Variants in SPRR2E observed in about 807,000 individuals in gnomAD.
SPRR2E encodes small proline-rich protein 2E.
For synonymous variants in SPRR2E, 20 were observed against 32.2 expected (o/e 0.62, Z 1.28); for missense variants, 68 against 87.1 (o/e 0.78, Z 0.87).
chr1:153,093,286 A>G lies in SPRR2E; in HGVS notation c.*247T>C. ...GGACAGAGCTGCTGGTCCTTCTTCC[A>G]AAGCTCTGGGAACTGACACTGCTGA... On this transcript the variant is annotated 3_prime_UTR_variant, in exon 2 of 2. Transcript: ENST00000368750. 3 of 681,134 alleles carry G rather than the reference A, an allele frequency of 4.4e-6. No homozygotes were observed. Among genetic ancestry groups the G allele is most frequent in the East Asian group, 2.8e-5 (1 of 35,100 alleles). The allele number at this position is 681,134 out of a possible 1,614,324, so 42.2% of individuals were successfully genotyped here.
Position 153,093,692 on chromosome 1 carries a change from C to T in SPRR2E, c.60G>A (p.Thr20=), listed in dbSNP as rs200625311. 5.0e-6 allele frequency: 8 copies of T among 1,612,174 alleles called. No individual in the cohort carries two copies. Among genetic ancestry groups the T allele is most frequent in the East Asian group, 2.2e-5 (1 of 44,870 alleles). Residue 20 remains threonine (T), a synonymous_variant, in exon 2 of 2, where the codon ACG becomes ACA. Transcript: ENST00000368750. ...QPCQPPPVCP[T]PKCPEPCPPP... The stretch of plus-strand genomic sequence containing the variant: ...GTGGACATGGCTCTGGGCACTTTGG[C>T]GTGGGGCACACAGGAGGTGGCTGGC...
chr1:153,093,460 T>G lies in SPRR2E; in HGVS notation c.*73A>C. ...TCCATGGTAGGCTTTGATGAGAAGA[T>G]GCAGGTGAAGCTGTGGAACAAGGTG... is the stretch of plus-strand genomic sequence containing the variant. On this transcript the variant is annotated 3_prime_UTR_variant, in exon 2 of 2. Transcript: ENST00000368750. 6.4e-7 allele frequency: 1 copy of G among 1,565,744 alleles called. No individual in the cohort carries two copies. Among genetic ancestry groups the G allele is most frequent in the Non-Finnish European group, 8.7e-7 (1 of 1,154,928 alleles).
rs1246299101 is a variant in SPRR2E, at chr1:153,093,269, C to A, written c.*264G>T. The A allele has an allele frequency of 1.7e-6, 1 of 604,536 alleles. No homozygotes were observed. The highest frequency in any genetic ancestry group is 2.7e-6 in the Non-Finnish European group (1 of 367,378). 37.4% of individuals were successfully genotyped at this position (604,536 alleles called of 1,614,324 possible). On this transcript the variant is annotated 3_prime_UTR_variant, in exon 2 of 2. Coordinates refer to ENST00000368750, the MANE Select transcript of SPRR2E (RefSeq NM_001024209.4). ...TTTTTGATGGTTCCCAGGGACAGAGCTGCTGGTCCTTCTTCCAAAGCTCTG... is the reference window on the plus strand; with the variant it reads ...TTTTTGATGGTTCCCAGGGACAGAGATGCTGGTCCTTCTTCCAAAGCTCTG...
At chr1:153,093,886 T>C in intron 1 of SPRR2E, 116 bp from the exon 2 acceptor site, 2 of 1,322,378 alleles carry the variant, frequency 1.5e-6, no homozygotes, top group Non-Finnish European at 2.0e-6. Context: ...TTATTTAAAC[T>C]CTTAGCTCTC....
Position 153,093,328 on chromosome 1 carries a change from T to G in SPRR2E, c.*205A>C. 1 of 989,552 alleles carries G rather than the reference T, an allele frequency of 1.0e-6. No individual in the cohort carries two copies. Among genetic ancestry groups the G allele is most frequent in the Admixed American group, 3.0e-5 (1 of 33,552 alleles). 61.3% of individuals were successfully genotyped at this position (989,552 alleles called of 1,614,324 possible). A position where few individuals can be genotyped will look rare whatever the true frequency, so the allele number is the denominator to read the frequency against. ...CACTGCTGAGGACTTCCTTTCTCAG[T>G]CTCCACCTGGACAGTGGCAATATGG... On this transcript the variant is annotated 3_prime_UTR_variant, in exon 2 of 2. Coordinates refer to ENST00000368750, the MANE Select transcript of SPRR2E (RefSeq NM_001024209.4).
chr1:153,094,322 C>A (rs1655168909), intron 1 of SPRR2E, among the ~76,000 whole-genome samples, 162 bp downstream of exon 1: 1 of 152,228 alleles, frequency 6.6e-6, no homozygotes, highest in Non-Finnish European at 1.5e-5. Context: ...TTTTAAAAAT[C>A]TGTGTAAAAC....
intron 1 of SPRR2E, 54 bp from the exon 2 acceptor site, chr1:153,093,824 A>C (rs1037052162): frequency 1.1e-5 from 18 of 1,607,846 alleles, no homozygotes; most frequent in Non-Finnish European, 1.5e-5. Flanking sequence ...CAGAGAGAGA[A>C]GCCAAAGCTT....
chr1:153,093,579 G>A lies in SPRR2E; in HGVS notation c.173C>T (p.Thr58Ile). 1 of 1,613,032 alleles carries A rather than the reference G, an allele frequency of 6.2e-7. No individual in the cohort carries two copies. The highest frequency in any genetic ancestry group is 8.5e-7 in the Non-Finnish European group (1 of 1,179,852). The change falls in exon 2 of 2, where the codon ACA (threonine) becomes ATA (isoleucine). Residue 58 changes from threonine to isoleucine, a missense_variant. By Grantham distance (89) the Thr-to-Ile change is moderately conservative. Transcript: ENST00000368750. ...CTTTGGCTGGCAGGGTGGGGAAGGT[G>A]TCACAGGAGGACATTTTTGCTGGCA... The part of the protein sequence containing the change: ...QQCQQKCPPV[T>I]PSPPCQPKCP...
At position 153,093,603 on chromosome 1, in the gene SPRR2E, C is replaced by A. The variant is rs1365220810; in HGVS notation, c.149G>T (p.Cys50Phe). Residue 50 changes from cysteine (C) to phenylalanine (F), a missense_variant, in exon 2 of 2, where the codon TGC (cysteine) becomes TTC (phenylalanine). Transcript: ENST00000368750. ...KCPQPCPPQQ[C>F]QQKCPPVTPS... ...TGTCACAGGAGGACATTTTTGCTGG[C>A]ACTGCTGAGGTGGGCAGGGCTGTGG... is the stretch of plus-strand genomic sequence containing the variant. 1 of 1,612,716 alleles carries A rather than the reference C, an allele frequency of 6.2e-7. No homozygotes were observed. Among genetic ancestry groups the A allele is most frequent in the Non-Finnish European group, 8.5e-7 (1 of 1,179,852 alleles).
rs1020901230 is a variant in SPRR2E, at chr1:153,093,426, A to C, written c.*107T>G. 2.5e-4 allele frequency: 386 copies of C among 1,528,158 alleles called. No individual in the cohort carries two copies. The highest frequency in any genetic ancestry group is 3.2e-4 in the Non-Finnish European group (368 of 1,134,114). 94.7% of individuals were successfully genotyped at this position (1,528,158 alleles called of 1,614,324 possible). A position where few individuals can be genotyped will look rare whatever the true frequency, so the allele number is the denominator to read the frequency against. On this transcript the variant is annotated 3_prime_UTR_variant, in exon 2 of 2. Transcript: ENST00000368750. ...ATCACTGGCTAAGAGGAAAGAAGCT[A>C]ACTGTGTATCCATGGTAGGCTTTGA...
Position 153,093,285 on chromosome 1 carries a change from C to G in SPRR2E, c.*248G>C, listed in dbSNP as rs1570998759. ...GGGACAGAGCTGCTGGTCCTTCTTC[C>G]AAAGCTCTGGGAACTGACACTGCTG... On this transcript the variant is annotated 3_prime_UTR_variant, in exon 2 of 2. Transcript: ENST00000368750. The G allele has an allele frequency of 3.0e-6, 2 of 676,706 alleles. No individual in the cohort carries two copies. Among genetic ancestry groups the G allele is most frequent in the African/African-American group, 3.6e-5 (2 of 55,300 alleles). 41.9% of individuals were successfully genotyped at this position (676,706 alleles called of 1,614,324 possible).
At position 153,093,233 on chromosome 1, in the gene SPRR2E, A is replaced by G; in HGVS notation, c.*300T>C. On this transcript the variant is annotated 3_prime_UTR_variant, in exon 2 of 2. Coordinates refer to ENST00000368750, the MANE Select transcript of SPRR2E (RefSeq NM_001024209.4). ...CAGGTGACAGACAGACACAGAAAAC[A>G]TCAACAGCATTTTTTGATGGTTCCC... 2 of 490,380 alleles carry G rather than the reference A, an allele frequency of 4.1e-6. No homozygotes were observed. Among genetic ancestry groups the G allele is most frequent in the Non-Finnish European group, 7.0e-6 (2 of 285,642 alleles). 30.4% of individuals were successfully genotyped at this position (490,380 alleles called of 1,614,324 possible). A position where few individuals can be genotyped will look rare whatever the true frequency, so the allele number is the denominator to read the frequency against.
At position 153,093,821 on chromosome 1, in the gene SPRR2E, A is replaced by G. The variant is rs185827657; in HGVS notation, c.-19-51T>C. On this transcript the variant is annotated intron_variant, in intron 1 of 1. Transcript: ENST00000368750. Reference sequence around the variant, plus strand: ...CACAGGAATGGACTCCTCCAGAGAGAGAAGCCAAAGCTTATGTAATACCAT... The same window carrying G: ...CACAGGAATGGACTCCTCCAGAGAGGGAAGCCAAAGCTTATGTAATACCAT... 418 of 1,608,114 alleles carry G rather than the reference A, an allele frequency of 2.6e-4. 2 individuals are homozygous for G. The African/African-American group carries it at 5.0e-3, about 19-fold the overall frequency.
Position 153,093,442 on chromosome 1 carries a change from T to C in SPRR2E, c.*91A>G. Reference sequence around the variant, plus strand: ...AAAGAAGCTAACTGTGTATCCATGGTAGGCTTTGATGAGAAGATGCAGGTG... The same window carrying C: ...AAAGAAGCTAACTGTGTATCCATGGCAGGCTTTGATGAGAAGATGCAGGTG... On this transcript the variant is annotated 3_prime_UTR_variant, in exon 2 of 2. Transcript: ENST00000368750. The C allele has an allele frequency of 6.4e-7, 1 of 1,550,606 alleles. No homozygotes were observed. Among genetic ancestry groups the C allele is most frequent in the East Asian group, 2.3e-5 (1 of 44,408 alleles).
At chr1:153,094,296 C>T (rs183537913) in intron 1 of SPRR2E, among the ~76,000 whole-genome samples, 188 bp downstream of exon 1, 1 of 152,364 alleles carries the variant, frequency 6.6e-6, no homozygotes, top group Non-Finnish European at 1.5e-5. Flanking sequence ...TCCATATGGA[C>T]ATATAATTGT....
At position 153,093,204 on chromosome 1, in the gene SPRR2E, T is replaced by C; in HGVS notation, c.*329A>G. ...CAATTGCACAGGTGTTAGAAGCCCA[T>C]GCCCAGGTGACAGACAGACACAGAA... On this transcript the variant is annotated 3_prime_UTR_variant, in exon 2 of 2. Coordinates refer to ENST00000368750, the MANE Select transcript of SPRR2E (RefSeq NM_001024209.4). The C allele has an allele frequency of 7.0e-6, 3 of 428,708 alleles. No individual in the cohort carries two copies. The highest frequency in any genetic ancestry group is 1.2e-5 in the Non-Finnish European group (3 of 243,726). The allele number at this position is 428,708 out of a possible 1,614,324, so 26.6% of individuals were successfully genotyped here.
In SPRR2E at chr1:153,093,917, C is replaced by T. The variant is rs1655160147; in HGVS notation, c.-19-147G>A. 4 of 1,337,812 alleles carry T rather than the reference C, an allele frequency of 3.0e-6. No homozygotes were observed. The South Asian group carries it at 4.6e-5, about 15-fold the overall frequency. The allele number at this position is 1,337,812 out of a possible 1,614,324, so 82.9% of individuals were successfully genotyped here. A position where few individuals can be genotyped will look rare whatever the true frequency, so the allele number is the denominator to read the frequency against. ...CTCTCTTTTCATGACTTCCTGTCTT[C>T]TCCTTTCCACTTTAGCAAGTTGTTT... On this transcript the variant is annotated intron_variant, in intron 1 of 1. Coordinates refer to ENST00000368750, the MANE Select transcript of SPRR2E (RefSeq NM_001024209.4).
At chr1:153,093,989 G>C (rs1655161879) in intron 1 of SPRR2E, among the ~76,000 whole-genome samples, 1 of 152,146 alleles carries the variant, frequency 6.6e-6, no homozygotes, top group Non-Finnish European at 1.5e-5. Context: ...TTTTTCCAAA[G>C]AAAACATCTC....
At chr1:153,093,799 A>G (rs766542804) in intron 1 of SPRR2E, 29 bp from the exon 2 acceptor site, 26 of 1,610,238 alleles carry the variant, frequency 1.6e-5, no homozygotes, top group African/African-American at 6.7e-5. Context: ...CAGTGTTCAC[A>G]GGAATGGACT....
Sources: allele counts gnomAD v4.1 joint callset (sites outside exome capture counted in the v4.1 genomes callset), GRCh38; gene constraint gnomAD v4.1.1; transcripts MANE v1.5; gene names NCBI Gene and HGNC (gene_info 2026-07-23, HGNC 2026-07-21).